BAG3: variants seen among roughly 807,000 people sequenced by gnomAD.
BAG3 encodes BAG family molecular chaperone regulator 3.
BAG3 carries 14 observed loss-of-function variants against 40.5 expected under a neutral mutation model. The observed-to-expected ratio is 0.35, with a 90% confidence interval of 0.23 to 0.54. BAG3 has a LOEUF of 0.54. BAG3 is among the 20% of genes least tolerant of loss of function. The probability of loss-of-function intolerance (pLI) is 0.91; values close to 1 mark genes in which losing one functional copy is unlikely to be tolerated. For missense variants in BAG3, 788 were observed against 758.6 expected, an observed-to-expected ratio of 1.04 and a Z score of -0.46; for synonymous variants, 302 against 307.8, an observed-to-expected ratio of 0.98 and a Z score of 0.20.
Position 119,672,420 on chromosome 10 carries a change from T to C in BAG3, c.673T>C (p.Phe225Leu), listed in dbSNP as rs1847164443. Reference sequence around the variant, plus strand: ...TACCCGGCCAGCAGCCCAGCCCTCCTTCCACCAAGCCCAGAAGACGCACTA... The same window carrying C: ...TACCCGGCCAGCAGCCCAGCCCTCCCTCCACCAAGCCCAGAAGACGCACTA... ...NVTRPAAQPS[F>L]HQAQKTHYPA... Residue 225 changes from phenylalanine (F) to leucine (L), a missense_variant, in exon 3 of 4, where the codon TTC (phenylalanine) becomes CTC (leucine). By Grantham distance (22) the Phe-to-Leu change is conservative. Coordinates refer to ENST00000369085, the MANE Select transcript of BAG3 (RefSeq NM_004281.4). This position sits in a 1 kb window ranked among gnomAD's most constrained non-coding sequence, Gnocchi z 4.8. 6.2e-7 allele frequency: 1 copy of C among 1,614,130 alleles called. No homozygotes were observed. The highest frequency in any genetic ancestry group is 1.3e-5 in the African/African-American group (1 of 75,036).
chr10:119,651,983 A>ACACCGGCTCCGCGCCCCGC, intron 1 of BAG3, 128 bp downstream of exon 1: 1 of 786,606 alleles, frequency 1.3e-6, no homozygotes, highest in Non-Finnish European at 1.6e-6. Flanking sequence ...TCGCGGGCGG[A>ACACCGGCTCCGCGCCCCGC]CACCGGCTCC....
In BAG3 at chr10:119,677,184, G is replaced by C. The variant is rs786205466; in HGVS notation, c.1630G>C (p.Asp544His). 6.2e-7 allele frequency: 1 copy of C among 1,614,142 alleles called. No individual in the cohort carries two copies. The highest frequency in any genetic ancestry group is 1.6e-4 in the Middle Eastern group (1 of 6,062). Residue 544 changes from aspartate (D) to histidine (H), a missense_variant, in exon 4 of 4, where the codon GAT becomes CAT. By Grantham distance (81) the Asp-to-His change is moderately conservative (BLOSUM62 -1). Coordinates refer to ENST00000369085, the MANE Select transcript of BAG3 (RefSeq NM_004281.4). ...CAAGAAAAATGCTGGAAATGCAGAA[G>C]ATCCCCACACAGAAACCCAGCAGCC... is the stretch of plus-strand genomic sequence containing the variant. ...KGKKNAGNAE[D>H]PHTETQQPEA...
At chr10:119,661,125 T>G (rs1169788031) in intron 1 of BAG3, among the ~76,000 whole-genome samples, 1 of 152,110 alleles carries the variant, frequency 6.6e-6, no homozygotes, top group Non-Finnish European at 1.5e-5. Context: ...CTGGGCGTGG[T>G]GGCAGGTGCC....
chr10:119,675,345 ATATATC>A (rs1564775673), intron 3 of BAG3, among the ~76,000 whole-genome samples: 2 of 152,144 alleles, frequency 1.3e-5, no homozygotes, highest in African/African-American at 4.8e-5. Context: ...ACAAAAATCT[ATATATC>A]TATATGGCTG....
intron 1 of BAG3, among the ~76,000 whole-genome samples, chr10:119,655,386 T>C (rs1050292198): frequency 6.6e-6 from 1 of 152,212 alleles, no homozygotes; most frequent in Non-Finnish European, 1.5e-5. Context: ...AATCTCACCA[T>C]AATCATTTAA....
chr10:119,654,291 C>T (rs947107235), intron 1 of BAG3, among the ~76,000 whole-genome samples: 19 of 152,176 alleles, frequency 1.2e-4, no homozygotes, highest in African/African-American at 4.3e-4. Flanking sequence ...CCCGTCTGAG[C>T]ATCATCATCT....
chr10:119,662,135 C>G (rs937996758), intron 1 of BAG3, among the ~76,000 whole-genome samples: 8 of 151,958 alleles, frequency 5.3e-5, no homozygotes, highest in Non-Finnish European at 1.2e-4. Flanking sequence ...GCAACCTCTG[C>G]CTCCTGGGTT....
rs757353917 is a variant in BAG3, at chr10:119,676,569, A to T, written c.1015A>T (p.Ile339Phe). Residue 339 changes from isoleucine (I) to phenylalanine (F), a missense_variant, in exon 4 of 4, where the codon ATT (isoleucine) becomes TTT (phenylalanine). By Grantham distance (21) the Ile-to-Phe change is conservative. Transcript: ENST00000369085. The part of the protein sequence containing the change: ...GPELPPGHIP[I>F]QVIRKEVDSK... ...AGAACTCCCTCCTGGACACATCCCA[A>T]TTCAAGTGATCCGCAAAGAGGTGGA... is the stretch of plus-strand genomic sequence containing the variant. The T allele has an allele frequency of 1.9e-6, 3 of 1,614,008 alleles. No homozygotes were observed. The highest frequency in any genetic ancestry group is 2.5e-6 in the Non-Finnish European group (3 of 1,180,006).
Position 119,677,514 on chromosome 10 carries a change from C to G in BAG3, c.*232C>G. ...GCTTGTTGTTTGAGAAGTTTAACCC[C>G]GTTGCTTGTTGTTCTGCAGCCCTGT... On this transcript the variant is annotated 3_prime_UTR_variant, in exon 4 of 4. Coordinates refer to ENST00000369085, the MANE Select transcript of BAG3 (RefSeq NM_004281.4). The G allele has an allele frequency of 1.7e-6, 1 of 589,252 alleles. No individual in the cohort carries two copies. The highest frequency in any genetic ancestry group is 2.2e-5 in the African/African-American group (1 of 45,672). The allele number at this position is 589,252 out of a possible 1,614,324, so 36.5% of individuals were successfully genotyped here. A position where few individuals can be genotyped will look rare whatever the true frequency, so the allele number is the denominator to read the frequency against.
chr10:119,660,127 G>A (rs559646486), intron 1 of BAG3, among the ~76,000 whole-genome samples: 2 of 152,344 alleles, frequency 1.3e-5, no homozygotes, highest in East Asian at 3.9e-4. Flanking sequence ...TGCCTGGCCT[G>A]GAGACGGCTG....
chr10:119,661,473 A>C (rs71480958), intron 1 of BAG3, among the ~76,000 whole-genome samples: 2 of 152,150 alleles, frequency 1.3e-5, no homozygotes, highest in Non-Finnish European at 2.9e-5. Context: ...GAGGGACTGG[A>C]ACCCAGGGTG....
intron 1 of BAG3, among the ~76,000 whole-genome samples, chr10:119,665,450 A>G (rs117550412): frequency 2.7e-5 from 4 of 150,554 alleles, no homozygotes; most frequent in East Asian, 3.9e-4. Flanking sequence ...TAATTTTTGT[A>G]TTTTTTTTAG....
Position 119,677,218 on chromosome 10 carries a change from C to T in BAG3, c.1664C>T (p.Thr555Ile). 6.2e-7 allele frequency: 1 copy of T among 1,614,142 alleles called. No homozygotes were observed. Among genetic ancestry groups the T allele is most frequent in the Non-Finnish European group, 8.5e-7 (1 of 1,180,038 alleles). The change falls in exon 4 of 4, where the codon ACA becomes ATA. Residue 555 changes from threonine to isoleucine, a missense_variant. Transcript: ENST00000369085. ...ACAGAAACCCAGCAGCCAGAAGCCA[C>T]AGCAGCAGCGACTTCAAACCCCAGC... ...PHTETQQPEA[T>I]AAATSNPSSM...
intron 1 of BAG3, among the ~76,000 whole-genome samples, chr10:119,663,327 T>C (rs1057193960): frequency 2.0e-5 from 3 of 152,034 alleles, no homozygotes; most frequent in African/African-American, 7.2e-5. Context: ...TAAGACAGAG[T>C]CTCACTCTGT....
intron 1 of BAG3, among the ~76,000 whole-genome samples, chr10:119,666,314 C>A (rs1441941515): frequency 6.6e-6 from 1 of 152,162 alleles, no homozygotes; most frequent in Admixed American, 6.5e-5. Context: ...TCAGCACTGA[C>A]CCCCAAGCCT....
rs377461532 is a variant in BAG3 at position 119,652,449 on chromosome 10, A to G, written c.180+594A>G. ...CTGGTGTCAAAACATTCATATATAT[A>G]TGTGTGTGTGTGTATTTTAAATTAA... On this transcript the variant is annotated intron_variant, in intron 1 of 3. Transcript: ENST00000369085. 6.0e-4 allele frequency among the ~76,000 whole-genome samples: 91 copies of G among 152,248 alleles called. No individual in the cohort carries two copies. In the South Asian group the frequency reaches 0.016, roughly 26 times the overall value.
chr10:119,665,092 T>TGTGTGTGTGTGTGTG (rs34372634), intron 1 of BAG3, among the ~76,000 whole-genome samples: 1,098 of 87,698 alleles, frequency 0.013, 20 homozygotes, highest in Non-Finnish European at 0.018. Context: ...TAATTTTTGT[T>TGTGTGTGTGTGTGTG]TGTGTGTGTG....
chr10:119,677,218 C>A lies in BAG3; in HGVS notation c.1664C>A (p.Thr555Lys), dbSNP rs1322157514. Residue 555 changes from threonine to lysine, a missense_variant, in exon 4 of 4, where the codon ACA becomes AAA. Transcript: ENST00000369085. ...PHTETQQPEA[T>K]AAATSNPSSM... Reference sequence around the variant, plus strand: ...ACAGAAACCCAGCAGCCAGAAGCCACAGCAGCAGCGACTTCAAACCCCAGC... The same window carrying A: ...ACAGAAACCCAGCAGCCAGAAGCCAAAGCAGCAGCGACTTCAAACCCCAGC... 2 of 1,614,024 alleles carry A rather than the reference C, an allele frequency of 1.2e-6. No homozygotes were observed. Among genetic ancestry groups the A allele is most frequent in the East Asian group, 4.5e-5 (2 of 44,898 alleles).
chr10:119,676,617 C>T lies in BAG3; in HGVS notation c.1063C>T (p.Pro355Ser), dbSNP rs761188869. ...GGATTCTAAACCTGTTTCCCAGAAG[C>T]CCCCACCTCCCTCTGAGAAGGTAGA... ...EVDSKPVSQK[P>S]PPPSEKVEVK... Residue 355 changes from proline (P) to serine (S), a missense_variant, in exon 4 of 4, where the codon CCC (proline) becomes TCC (serine). Transcript: ENST00000369085. The T allele has an allele frequency of 6.8e-6, 11 of 1,614,154 alleles. No individual in the cohort carries two copies. Among genetic ancestry groups the T allele is most frequent in the Non-Finnish European group, 9.3e-6 (11 of 1,180,036 alleles).
Sources: allele counts gnomAD v4.1 joint callset (sites outside exome capture counted in the v4.1 genomes callset), GRCh38; gene constraint gnomAD v4.1.1; non-coding constraint Gnocchi (gnomAD v3.1); transcripts MANE v1.5; gene names NCBI Gene and HGNC (gene_info 2026-07-23, HGNC 2026-07-21).